WSB1: variants seen among roughly 807,000 people sequenced by gnomAD.
WSB1 encodes the protein WD repeat and SOCS box containing 1, also known as WD repeat and SOCS box-containing protein 1.
A neutral mutation model predicts 50.2 loss-of-function variants in WSB1; 23 were observed. That is an observed-to-expected ratio of 0.46 (90% confidence interval 0.33 to 0.65). The LOEUF (loss-of-function observed/expected upper bound fraction) is 0.65, where lower values mean the gene tolerates loss of function less well. Ranked by LOEUF, WSB1 falls within the 30% of genes least tolerant of loss-of-function variation. The probability of loss-of-function intolerance (pLI) is 0.02; values close to 1 mark genes in which losing one functional copy is unlikely to be tolerated. For synonymous variants in WSB1, 179 were observed against 172.0 expected, an observed-to-expected ratio of 1.04 and a Z score of -0.32; for missense variants, 492 against 522.3, an observed-to-expected ratio of 0.94 and a Z score of 0.56.
chr17:27,298,061 G>T (rs1467160725), intron 1 of WSB1, among the ~76,000 whole-genome samples: 1 of 149,752 alleles, frequency 6.7e-6, no homozygotes, highest in African/African-American at 2.5e-5. Context: ...GGAGGCAGAG[G>T]TTGTAGTGAG....
chr17:27,307,670 G>T, intron 5 of WSB1: 1 of 1,458,614 alleles, frequency 6.9e-7, no homozygotes, highest in South Asian at 1.3e-5. Context: ...ATCATAAGAA[G>T]AACAAAATTA....
intron 7 of WSB1, 89 bp downstream of exon 7, chr17:27,310,263 GTC>G: frequency 8.5e-7 from 1 of 1,172,144 alleles, no homozygotes. Context: ...GAGTTTTAAT[GTC>G]TCTTCCTCAA....
Position 27,313,536 on chromosome 17 carries a change from C to T in WSB1, c.*1167C>T, listed in dbSNP as rs1028884958. The T allele has an allele frequency of 2.5e-4, 37 of 150,986 alleles. 1 individual carries two copies. Among genetic ancestry groups the T allele is most frequent in the African/African-American group, 8.8e-4 (36 of 40,968 alleles). The allele number at this position is 150,986 out of a possible 1,614,324, so 9.4% of individuals were successfully genotyped here. A position where few individuals can be genotyped will look rare whatever the true frequency, so the allele number is the denominator to read the frequency against. On this transcript the variant is annotated 3_prime_UTR_variant, in exon 9 of 9. Transcript: ENST00000262394. ...TCTGCTTTTGCCTTCTGTTGTTTAT[C>T]TTACCTGCAGATATTAAGAATGTAT... is the stretch of plus-strand genomic sequence containing the variant.
intron 7 of WSB1, among the ~76,000 whole-genome samples, chr17:27,310,719 GT>G (rs66664508): frequency 0.064 from 9,760 of 152,086 alleles, 843 homozygotes; most frequent in African/African-American, 0.19. Flanking sequence ...ATGGAGAGAG[GT>G]TTTTTTTGTT....
intron 5 of WSB1, chr17:27,307,824 A>G: frequency 2.6e-6 from 4 of 1,515,620 alleles, no homozygotes; most frequent in Non-Finnish European, 3.5e-6. Context: ...AGCTGGGCAG[A>G]AAGAGTGGCA....
chr17:27,303,694 T>C, intron 3 of WSB1, 59 bp downstream of exon 3: 1 of 1,560,904 alleles, frequency 6.4e-7, no homozygotes, highest in Admixed American at 1.8e-5. Flanking sequence ...GCACTGCTTA[T>C]AGGCACTGGA....
At chr17:27,307,744 G>A (rs1191016877) in intron 5 of WSB1, 4 of 1,534,552 alleles carry the variant, frequency 2.6e-6, no homozygotes, top group East Asian at 2.5e-5. Context: ...CCTGTCACAG[G>A]TGGTGGCAGC....
Position 27,306,908 on chromosome 17 carries a change from C to T in WSB1, c.711+26C>T, listed in dbSNP as rs770073245. On this transcript the variant is annotated intron_variant, in intron 5 of 8. Coordinates refer to ENST00000262394, the MANE Select transcript of WSB1 (RefSeq NM_015626.10). ...GTACGTGTCAAAGTTCTTGTACATT[C>T]ATTATGAATTGGATTATGATAATGT... is the stretch of plus-strand genomic sequence containing the variant. 5.6e-6 allele frequency: 9 copies of T among 1,599,766 alleles called. No homozygotes were observed. In the African/African-American group the frequency reaches 8.0e-5, roughly 14 times the overall value.
intron 5 of WSB1, 32 bp downstream of exon 5, chr17:27,306,914 G>T: frequency 1.3e-6 from 2 of 1,592,880 alleles, no homozygotes; most frequent in East Asian, 4.5e-5. Context: ...CATTCATTAT[G>T]AATTGGATTA....
chr17:27,311,634 T>TAAA lies in WSB1; in HGVS notation c.1106+18_1106+19insAAA. The TAAA allele has an allele frequency of 1.2e-5, 2 of 164,548 alleles. No homozygotes were observed. Among genetic ancestry groups the TAAA allele is most frequent in the Non-Finnish European group, 2.0e-5 (2 of 101,564 alleles). The allele number at this position is 164,548 out of a possible 1,614,324, so 10.2% of individuals were successfully genotyped here. A position where few individuals can be genotyped will look rare whatever the true frequency, so the allele number is the denominator to read the frequency against. ...GCTGCTGGGTAAATATATTTTTCTC[T>TAAA]TTTTTTTTTTTTTTTTTTTTTTTTT... On this transcript the variant is annotated intron_variant, in intron 8 of 8. Transcript: ENST00000262394.
At position 27,309,133 on chromosome 17, in the gene WSB1, A is replaced by G; in HGVS notation, c.745A>G (p.Ile249Val). ...FLWNMDKYTM[I>V]RKLEGHHHDV... The stretch of plus-strand genomic sequence containing the variant: ...TTGGAATATGGATAAATACACCATG[A>G]TACGGAAACTAGAAGGACATCACCA... The change falls in exon 6 of 9, where the codon ATA (isoleucine) becomes GTA (valine). Residue 249 changes from isoleucine to valine, a missense_variant. Ile to Val is a conservative substitution (Grantham distance 29). Transcript: ENST00000262394. The G allele has an allele frequency of 6.2e-7, 1 of 1,611,368 alleles. No homozygotes were observed. Among genetic ancestry groups the G allele is most frequent in the Non-Finnish European group, 8.5e-7 (1 of 1,178,754 alleles).
intron 1 of WSB1, chr17:27,297,272 TCTC>T (rs914037548): frequency 3.3e-5 from 5 of 152,124 alleles, no homozygotes; most frequent in African/African-American, 1.2e-4. Context: ...ATCAAGCAGT[TCTC>T]CTGCCTCACC....
At position 27,294,157 on chromosome 17, in the gene WSB1, C is replaced by A. The variant is rs2016842947; in HGVS notation, c.-239C>A. On this transcript the variant is annotated 5_prime_UTR_variant, in exon 1 of 9. Transcript: ENST00000262394. ...GGCGCTTTAGGGGAACTGTCTTCCT[C>A]CGCAGGCGCGAGGCTGGGTACAGGG... The A allele has an allele frequency of 2.7e-6, 1 of 366,576 alleles. No homozygotes were observed. Among genetic ancestry groups the A allele is most frequent in the Non-Finnish European group, 4.9e-6 (1 of 203,946 alleles). 22.7% of individuals were successfully genotyped at this position (366,576 alleles called of 1,614,324 possible). A position where few individuals can be genotyped will look rare whatever the true frequency, so the allele number is the denominator to read the frequency against.
At position 27,312,278 on chromosome 17, in the gene WSB1, G is replaced by T. The variant is rs761388122; in HGVS notation, c.1175G>T (p.Arg392Leu). 2 of 1,614,000 alleles carry T rather than the reference G, an allele frequency of 1.2e-6. No homozygotes were observed. Among genetic ancestry groups the T allele is most frequent in the African/African-American group, 1.3e-5 (1 of 74,904 alleles). ...GTCCCTAGCCTGCAACATTTATGTC[G>T]CATGTCAATCCGAAGAGTGATGCCC... ...RQVPSLQHLC[R>L]MSIRRVMPTQ... The change falls in exon 9 of 9, where the codon CGC (arginine) becomes CTC (leucine). Residue 392 changes from arginine (R) to leucine (L), a missense_variant. By Grantham distance (102) the Arg-to-Leu change is moderately radical. Coordinates refer to ENST00000262394, the MANE Select transcript of WSB1 (RefSeq NM_015626.10).
intron 1 of WSB1, among the ~76,000 whole-genome samples, chr17:27,301,389 T>C (rs1251626924): frequency 6.6e-6 from 1 of 152,238 alleles, no homozygotes; most frequent in African/African-American, 2.4e-5. Context: ...AAACTTAATT[T>C]GGAAGATACT....
chr17:27,295,535 T>TA (rs2016919426), intron 1 of WSB1, among the ~76,000 whole-genome samples: 1 of 151,540 alleles, frequency 6.6e-6, no homozygotes, highest in Non-Finnish European at 1.5e-5. Flanking sequence ...TAACCATTTT[T>TA]AAAGATACAA....
At position 27,312,411 on chromosome 17, in the gene WSB1, C is replaced by T; in HGVS notation, c.*42C>T. On this transcript the variant is annotated 3_prime_UTR_variant, in exon 9 of 9. Transcript: ENST00000262394. ...TAGTAGTAGGGACTGACAGAATACA[C>T]TTAACACAAACCTCAAGCTTTACTG... 6.3e-7 allele frequency: 1 copy of T among 1,594,052 alleles called. No individual in the cohort carries two copies. The highest frequency in any genetic ancestry group is 1.4e-5 in the African/African-American group (1 of 73,536).
At chr17:27,308,765 C>T (rs1192319264) in intron 5 of WSB1, 1 of 994,080 alleles carries the variant, frequency 1.0e-6, no homozygotes, top group Non-Finnish European at 1.2e-6. Context: ...AGTACTTAAC[C>T]CTATTTATTT....
chr17:27,307,077 TG>T (rs2017492967), intron 5 of WSB1, 195 bp downstream of exon 5: 1 of 607,024 alleles, frequency 1.6e-6, no homozygotes, highest in African/African-American at 1.9e-5. Context: ...GAAGTTGGAT[TG>T]TTTTTAGAGA....
Sources: allele counts gnomAD v4.1 joint callset (sites outside exome capture counted in the v4.1 genomes callset), GRCh38; gene constraint gnomAD v4.1.1; transcripts MANE v1.5; gene names NCBI Gene and HGNC (gene_info 2026-07-23, HGNC 2026-07-21).